Variants in ALDH2 observed in about 807,000 individuals in gnomAD.
ALDH2 encodes aldehyde dehydrogenase, mitochondrial.
In ALDH2, 44 loss-of-function variants were observed where a neutral mutation model predicts 59.6. The ratio of observed to expected loss-of-function variants is 0.74; its 90% confidence interval spans 0.58 to 0.95. The LOEUF (loss-of-function observed/expected upper bound fraction) is 0.95. Among genes scored for constraint, ALDH2 ranks in the 40% least tolerant of loss-of-function variants. The probability of loss-of-function intolerance (pLI) is 0.00; values close to 1 mark genes in which losing one functional copy is unlikely to be tolerated. For synonymous variants in ALDH2, 291 were observed against 284.0 expected (o/e 1.02, Z -0.25); for missense variants, 570 against 696.3 (o/e 0.82, Z 2.04).
chr12:111,791,539 G>T, intron 7 of ALDH2, 120 bp downstream of exon 7: 1 of 742,326 alleles, frequency 1.3e-6, no homozygotes, highest in Non-Finnish European at 2.3e-6. Context: ...CCTCCAGGAC[G>T]ACCCTGTAGG....
At chr12:111,795,123 A>G (rs755450544) in intron 9 of ALDH2, among the ~76,000 whole-genome samples, 1 of 152,198 alleles carries the variant, frequency 6.6e-6, no homozygotes, top group African/African-American at 2.4e-5. Context: ...GCCATGTTTT[A>G]AAGGTTCATC....
chr12:111,792,423 G>T (rs1349047919), intron 8 of ALDH2, among the ~76,000 whole-genome samples, 175 bp from the exon 9 acceptor site: 1 of 152,224 alleles, frequency 6.6e-6, no homozygotes, highest in East Asian at 1.9e-4. Context: ...CACGCCCTTT[G>T]TCCTGGTTGG....
chr12:111,792,158 C>A lies in ALDH2; in HGVS notation c.893C>A (p.Ala298Asp), dbSNP rs148698157. The change falls in exon 8 of 13, where the codon GCC becomes GAC. Residue 298 changes from alanine (A) to aspartate (D), a missense_variant. Coordinates refer to ENST00000261733, the MANE Select transcript of ALDH2 (RefSeq NM_000690.4). Reference sequence around the variant, plus strand: ...AGCCCCAACATCATCATGTCAGATGCCGATAGTGAGTTTCCAGCTGGAGAA... The same window carrying A: ...AGCCCCAACATCATCATGTCAGATGACGATAGTGAGTTTCCAGCTGGAGAA... ...GKSPNIIMSD[A>D]DMDWAVEQAH... 40 of 1,599,610 alleles carry A rather than the reference C, an allele frequency of 2.5e-5. No individual in the cohort carries two copies. The highest frequency in any genetic ancestry group is 4.1e-5 in the African/African-American group (3 of 73,776).
In ALDH2 at chr12:111,783,496, T is replaced by C. The variant is rs549780715; in HGVS notation, c.360+198T>C. ...CAGAGGAGCCTTTCAGTGTCTCCTTTGTTTTTTTGTTTTGTTTTGTTTTGC... is the reference window on the plus strand; with the variant it reads ...CAGAGGAGCCTTTCAGTGTCTCCTTCGTTTTTTTGTTTTGTTTTGTTTTGC... On this transcript the variant is annotated intron_variant, in intron 3 of 12. Coordinates refer to ENST00000261733, the MANE Select transcript of ALDH2 (RefSeq NM_000690.4). Among the ~76,000 whole-genome samples the C allele has an allele frequency of 1.6e-4, 24 of 152,256 alleles. 1 individual carries two copies. In the South Asian group the frequency reaches 5.0e-3, roughly 32 times the overall value.
chr12:111,768,240 G>T (rs919469570), intron 1 of ALDH2, among the ~76,000 whole-genome samples: 2 of 151,986 alleles, frequency 1.3e-5, no homozygotes, highest in Admixed American at 1.3e-4. Flanking sequence ...CTCTGGGTGG[G>T]AACAAAGGGA....
intron 11 of ALDH2, 34 bp downstream of exon 11, chr12:111,800,097 C>T: frequency 1.9e-6 from 3 of 1,580,670 alleles, no homozygotes; most frequent in Non-Finnish European, 2.6e-6. Context: ...CACAACCCAA[C>T]AGAGATTCCT....
At chr12:111,796,194 C>T (rs976448893) in intron 9 of ALDH2, among the ~76,000 whole-genome samples, 9 of 152,020 alleles carry the variant, frequency 5.9e-5, no homozygotes, top group South Asian at 2.1e-4. Context: ...TGGTGGTGGG[C>T]GCCTATAATC....
At chr12:111,801,379 T>C (rs530488256) in intron 11 of ALDH2, among the ~76,000 whole-genome samples, 1 of 152,302 alleles carries the variant, frequency 6.6e-6, no homozygotes, top group South Asian at 2.1e-4. Context: ...TAGCATGGAT[T>C]AATCTTGAAC....
Position 111,792,130 on chromosome 12 carries a change from A to G in ALDH2, c.865A>G (p.Lys289Glu). Residue 289 changes from lysine (K) to glutamate (E), a missense_variant, in exon 8 of 13, where the codon AAG becomes GAG. Coordinates refer to ENST00000261733, the MANE Select transcript of ALDH2 (RefSeq NM_000690.4). ...GAGAGTGACCTTGGAGCTGGGGGGG[A>G]AGAGCCCCAACATCATCATGTCAGA... is the stretch of plus-strand genomic sequence containing the variant. ...LKRVTLELGGKSPNIIMSDAD... is the reference protein window; with the variant it reads ...LKRVTLELGGESPNIIMSDAD... 6.2e-7 allele frequency: 1 copy of G among 1,607,438 alleles called. No individual in the cohort carries two copies. Among genetic ancestry groups the G allele is most frequent in the African/African-American group, 1.3e-5 (1 of 74,340 alleles).
chr12:111,784,987 C>T (rs1262446069), intron 3 of ALDH2, among the ~76,000 whole-genome samples: 2 of 152,168 alleles, frequency 1.3e-5, no homozygotes, highest in African/African-American at 4.8e-5. Flanking sequence ...ATCCCAGCAC[C>T]TGGATATGGT....
chr12:111,774,915 A>G (rs1200201491), intron 1 of ALDH2, among the ~76,000 whole-genome samples: 1 of 152,210 alleles, frequency 6.6e-6, no homozygotes, highest in Non-Finnish European at 1.5e-5. Flanking sequence ...CCTCTAACTC[A>G]GTAGTTCTAA....
At chr12:111,777,027 A>T (rs2068239176) in intron 1 of ALDH2, among the ~76,000 whole-genome samples, 1 of 152,198 alleles carries the variant, frequency 6.6e-6, no homozygotes, top group Non-Finnish European at 1.5e-5. Context: ...GTCAGTAAGT[A>T]AACCATAAAG....
rs1319539575 is a variant in ALDH2 at position 111,814,345 on chromosome 12, T to C, written c.*4770T>C. On this transcript the variant is annotated 3_prime_UTR_variant, in exon 13 of 13. Coordinates refer to ENST00000261733, the MANE Select transcript of ALDH2 (RefSeq NM_000690.4). ...CTGGGTGACAGAGTGAGACTCTGTCTCCAAAAAAAAAAAAAGAAACCCCAT... is the reference window on the plus strand; with the variant it reads ...CTGGGTGACAGAGTGAGACTCTGTCCCCAAAAAAAAAAAAAGAAACCCCAT... 1.4e-5 allele frequency: 2 copies of C among 137,998 alleles called. No individual in the cohort carries two copies. Among genetic ancestry groups the C allele is most frequent in the Admixed American group, 1.4e-4 (2 of 13,828 alleles). The allele number at this position is 137,998 out of a possible 1,614,324, so 8.5% of individuals were successfully genotyped here.
At chr12:111,777,954 G>A (rs1262103926) in intron 1 of ALDH2, among the ~76,000 whole-genome samples, 1 of 152,198 alleles carries the variant, frequency 6.6e-6, no homozygotes, top group Non-Finnish European at 1.5e-5. Flanking sequence ...GGTGCCAAGA[G>A]CCTTTCCTGT....
At position 111,783,022 on chromosome 12, in the gene ALDH2, G is replaced by C; in HGVS notation, c.220-136G>C. 3 of 1,121,126 alleles carry C rather than the reference G, an allele frequency of 2.7e-6. No homozygotes were observed. In the South Asian group the frequency reaches 5.3e-5, roughly 20 times the overall value. 69.4% of individuals were successfully genotyped at this position (1,121,126 alleles called of 1,614,324 possible). On this transcript the variant is annotated intron_variant, in intron 2 of 12. Transcript: ENST00000261733. ...TGCTCATCAGGGCTCTGCCGGGCTA[G>C]GAGCATTGTTTACGGGGCAGGTTTT...
chr12:111,793,543 C>T (rs532689617), intron 9 of ALDH2, among the ~76,000 whole-genome samples: 2 of 152,032 alleles, frequency 1.3e-5, no homozygotes, highest in South Asian at 2.1e-4. Context: ...TGAGCCAATA[C>T]TGGTACCTTA....
intron 1 of ALDH2, among the ~76,000 whole-genome samples, chr12:111,773,297 A>G (rs2068214861): frequency 6.6e-6 from 1 of 152,156 alleles, no homozygotes; most frequent in Non-Finnish European, 1.5e-5. Context: ...ACAAATGGGC[A>G]TTCAATACTT....
chr12:111,792,184 G>A, intron 8 of ALDH2, 21 bp downstream of exon 8: 1 of 1,573,710 alleles, frequency 6.4e-7, no homozygotes, highest in Non-Finnish European at 8.6e-7. Flanking sequence ...AGCTGGAGAA[G>A]GCCTGGCCTT....
In ALDH2 at chr12:111,783,191, G is replaced by A. The variant is rs2068285527; in HGVS notation, c.253G>A (p.Ala85Thr). ...DVDKAVKAARAAFQLGSPWRR... is the reference protein window; with the variant it reads ...DVDKAVKAARTAFQLGSPWRR... The stretch of plus-strand genomic sequence containing the variant: ...GGACAAGGCAGTGAAGGCCGCCCGG[G>A]CCGCCTTCCAGCTGGGCTCACCTTG... The change falls in exon 3 of 13, where the codon GCC (alanine) becomes ACC (threonine). Residue 85 changes from alanine (A) to threonine (T), a missense_variant. By Grantham distance (58) the Ala-to-Thr change is moderately conservative (BLOSUM62 0). Transcript: ENST00000261733. 1 of 1,613,076 alleles carries A rather than the reference G, an allele frequency of 6.2e-7. No homozygotes were observed. Among genetic ancestry groups the A allele is most frequent in the African/African-American group, 1.3e-5 (1 of 75,052 alleles).
Sources: allele counts gnomAD v4.1 joint callset (sites outside exome capture counted in the v4.1 genomes callset), GRCh38; gene constraint gnomAD v4.1.1; transcripts MANE v1.5; gene names NCBI Gene and HGNC (gene_info 2026-07-23, HGNC 2026-07-21).